The following PDZRN4 variants were observed in gnomAD, a reference collection of about 807,000 sequenced individuals.
PDZRN4 encodes the protein PDZ domain-containing RING finger protein 4.
PDZRN4 carries 70 observed loss-of-function variants against 99.0 expected under a neutral mutation model. The ratio of observed to expected loss-of-function variants is 0.71; its 90% CI spans 0.58 to 0.86. The LOEUF is 0.86. PDZRN4 is among the 40% of genes least tolerant of loss of function. The pLI is 0.00. For synonymous variants in PDZRN4, 551 were observed against 501.6 expected (o/e 1.10, Z -1.32); for missense variants, 1,474 against 1,331.2 (o/e 1.11, Z -1.67).
chr12:41,227,118 T>G (rs1202384398), intron 3 of PDZRN4, among the ~76,000 whole-genome samples: 1 of 152,158 alleles, frequency 6.6e-6, no homozygotes, highest in Admixed American at 6.6e-5. Flanking sequence ...TATGCTAATG[T>G]CAGATTATTT....
chr12:41,478,180 A>G (rs1211520340), intron 3 of PDZRN4, among the ~76,000 whole-genome samples: 1 of 152,030 alleles, frequency 6.6e-6, no homozygotes, highest in African/African-American at 2.4e-5. Flanking sequence ...CAGTGGTGCA[A>G]TCTCGGCTCA....
intron 3 of PDZRN4, among the ~76,000 whole-genome samples, chr12:41,377,283 G>A (rs1053956776): frequency 3.3e-5 from 5 of 152,132 alleles, no homozygotes; most frequent in African/African-American, 1.2e-4. Flanking sequence ...TTTTGATAAA[G>A]ATTGCATTGA....
At chr12:41,420,687 A>G (rs1223949629) in intron 3 of PDZRN4, among the ~76,000 whole-genome samples, 1 of 151,964 alleles carries the variant, frequency 6.6e-6, no homozygotes, top group Non-Finnish European at 1.5e-5. Context: ...TATTCTCTTG[A>G]CCCTTCATCT....
At chr12:41,454,368 G>A (rs2608706) in intron 3 of PDZRN4, among the ~76,000 whole-genome samples, 78,685 of 152,060 alleles carry the variant, frequency 0.52, 20,907 homozygotes, top group African/African-American at 0.65. Context: ...TGAGTTAGAG[G>A]AAACAGTGTG....
intron 3 of PDZRN4, among the ~76,000 whole-genome samples, chr12:41,203,224 AACAAC>A (rs1428826691): frequency 4.6e-5 from 7 of 152,068 alleles, no homozygotes; most frequent in African/African-American, 7.2e-5. Flanking sequence ...TTAAACAAGC[AACAAC>A]AAAACAAAAC....
At chr12:41,336,493 A>G (rs368269339) in intron 3 of PDZRN4, among the ~76,000 whole-genome samples, 1 of 131,526 alleles carries the variant, frequency 7.6e-6, no homozygotes, top group East Asian at 2.1e-4. Flanking sequence ...GTAGCCATGC[A>G]ACTGATGTGT....
intron 3 of PDZRN4, among the ~76,000 whole-genome samples, chr12:41,329,291 G>A (rs957731820): frequency 2.8e-4 from 42 of 152,180 alleles, no homozygotes; most frequent in African/African-American, 9.6e-4. Flanking sequence ...ATACAGGAAC[G>A]TGTATTCAAT....
chr12:41,296,933 G>C (rs1295802575), intron 3 of PDZRN4, among the ~76,000 whole-genome samples: 1 of 152,120 alleles, frequency 6.6e-6, no homozygotes, highest in Non-Finnish European at 1.5e-5. Flanking sequence ...ACTCCAGCCT[G>C]GGCAAGAGAG....
intron 3 of PDZRN4, among the ~76,000 whole-genome samples, chr12:41,307,820 C>G (rs981814584): frequency 6.6e-5 from 10 of 151,918 alleles, no homozygotes; most frequent in African/African-American, 2.2e-4. Context: ...ATGTGTCAAC[C>G]ATTGGTATAA....
intron 3 of PDZRN4, among the ~76,000 whole-genome samples, chr12:41,415,255 A>C (rs1053201797): frequency 6.6e-6 from 1 of 151,770 alleles, no homozygotes; most frequent in African/African-American, 2.4e-5. Flanking sequence ...ACAATAAAAA[A>C]TGTAGACATA....
At chr12:41,313,087 A>T (rs1222515399) in intron 3 of PDZRN4, among the ~76,000 whole-genome samples, 4 of 152,126 alleles carry the variant, frequency 2.6e-5, no homozygotes, top group Non-Finnish European at 5.9e-5. Context: ...AGCATTATTC[A>T]TACCATCTTC....
chr12:41,193,591 T>C (rs750155157), intron 2 of PDZRN4, among the ~76,000 whole-genome samples: 1 of 152,172 alleles, frequency 6.6e-6, no homozygotes, highest in Non-Finnish European at 1.5e-5. Context: ...GCTACCAGTG[T>C]CTCTTGTGAA....
chr12:41,328,449 T>A lies in PDZRN4; in HGVS notation c.843+134261T>A, dbSNP rs544099153. On this transcript the variant is annotated intron_variant, in intron 3 of 9. Transcript: ENST00000402685. ...GAGGCTTAGGAAGCAAGACCACAAG[T>A]TCATGGTTACAGTGAGCTATGATAA... Among the ~76,000 whole-genome samples the A allele has an allele frequency of 5.3e-5, 8 of 152,176 alleles. No individual in the cohort carries two copies. The South Asian group carries it at 1.7e-3, about 32-fold the overall frequency.
intron 5 of PDZRN4, among the ~76,000 whole-genome samples, chr12:41,524,736 A>G (rs938579982): frequency 5.9e-5 from 9 of 152,202 alleles, no homozygotes; most frequent in Admixed American, 5.2e-4. Context: ...CTATTTTTAT[A>G]TTTTATTTTA....
chr12:41,372,763 C>T (rs1001191380), intron 3 of PDZRN4, among the ~76,000 whole-genome samples: 4 of 152,100 alleles, frequency 2.6e-5, no homozygotes, highest in African/African-American at 9.7e-5. Context: ...CCATTTAAGA[C>T]AGTTTAGACT....
intron 3 of PDZRN4, among the ~76,000 whole-genome samples, chr12:41,388,627 G>A (rs1233732170): frequency 6.6e-6 from 1 of 152,146 alleles, no homozygotes; most frequent in Non-Finnish European, 1.5e-5. Context: ...GAGTAGTATA[G>A]GTGAGAAACT....
intron 3 of PDZRN4, among the ~76,000 whole-genome samples, chr12:41,221,673 C>G (rs557704439): frequency 8.5e-5 from 13 of 152,050 alleles, no homozygotes; most frequent in Non-Finnish European, 1.5e-4. Flanking sequence ...GCTTCTAGAT[C>G]GCAAGCAGTT....
At chr12:41,508,307 C>T (rs544524457) in intron 4 of PDZRN4, among the ~76,000 whole-genome samples, 2 of 152,252 alleles carry the variant, frequency 1.3e-5, no homozygotes, top group Admixed American at 6.5e-5. Flanking sequence ...TTAGAGACAA[C>T]CTCCTCTAGA....
At chr12:41,370,837 A>T (rs1424635186) in intron 3 of PDZRN4, among the ~76,000 whole-genome samples, 1 of 151,798 alleles carries the variant, frequency 6.6e-6, no homozygotes, top group African/African-American at 2.4e-5. Context: ...ACTCAAAAAA[A>T]TTTCATTGAC....
Sources: gnomAD v4.1 joint callset for allele counts (sites outside exome capture counted in the v4.1 genomes callset) on GRCh38, gnomAD v4.1.1 for gene constraint, MANE v1.5 for transcripts, NCBI Gene and HGNC (gene_info 2026-07-23, HGNC 2026-07-21) for gene names.